CCDC91: variants seen among roughly 807,000 people sequenced by gnomAD.
The protein encoded by CCDC91 is coiled-coil domain-containing protein 91.
Under a neutral mutation model 63.2 loss-of-function variants are expected in CCDC91, and 48 were observed. That is an observed-to-expected ratio of 0.76 (90% CI 0.60 to 0.97). The LOEUF (loss-of-function observed/expected upper bound fraction) is 0.97. Ranked by LOEUF, CCDC91 falls within the 50% of genes least tolerant of loss-of-function variation. The probability of loss-of-function intolerance (pLI) is 0.00; values close to 1 mark genes in which losing one functional copy is unlikely to be tolerated. For missense variants in CCDC91, 500 were observed against 494.6 expected (o/e 1.01, Z -0.10); for synonymous variants, 167 against 165.8 (o/e 1.01, Z -0.06).
At chr12:28,477,333 C>T (rs138661054) in intron 11 of CCDC91, among the ~76,000 whole-genome samples, 16 of 152,152 alleles carry the variant, frequency 1.1e-4, no homozygotes, top group African/African-American at 2.4e-4. Context: ...AATCAATAAA[C>T]GTAATCCAGC....
intron 12 of CCDC91, among the ~76,000 whole-genome samples, chr12:28,506,365 A>G (rs1235867136): frequency 1.3e-5 from 2 of 151,952 alleles, no homozygotes; most frequent in Non-Finnish European, 2.9e-5. Flanking sequence ...CCATTCCTGC[A>G]TCTTTGTTTC....
At position 28,395,116 on chromosome 12, in the gene CCDC91, G is replaced by A. The variant is rs143806576; in HGVS notation, c.762+3705G>A. Among the ~76,000 whole-genome samples the A allele has an allele frequency of 3.5e-3, 531 of 152,244 alleles. 7 individuals are homozygous for A. Among genetic ancestry groups the A allele is most frequent in the African/African-American group, 0.012 (503 of 41,536 alleles). The stretch of plus-strand genomic sequence containing the variant: ...AAAGTTTGTTACTGGTATTTCATAT[G>A]TTGTCTTGTCAAAGAACCTTTACTT... On this transcript the variant is annotated intron_variant, in intron 8 of 12. Transcript: ENST00000536442.
At chr12:28,538,721 C>T (rs1942390399) in intron 12 of CCDC91, among the ~76,000 whole-genome samples, 1 of 152,120 alleles carries the variant, frequency 6.6e-6, no homozygotes. Context: ...ACAGTCCCAC[C>T]AACAGTGTAA....
At chr12:28,396,523 C>T (rs1313176541) in intron 8 of CCDC91, among the ~76,000 whole-genome samples, 1 of 151,874 alleles carries the variant, frequency 6.6e-6, no homozygotes, top group Non-Finnish European at 1.5e-5. Flanking sequence ...GTAGCCCAAA[C>T]TAAAGTGTGT....
At chr12:28,389,305 T>TA (rs34345141) in intron 7 of CCDC91, among the ~76,000 whole-genome samples, 12 of 151,794 alleles carry the variant, frequency 7.9e-5, no homozygotes, top group East Asian at 5.8e-4. Flanking sequence ...GGAAGACTTT[T>TA]AAAAAAAAAT....
At chr12:28,396,642 TTTTGTGTGTGTGTGTGTG>T (rs780163928) in intron 8 of CCDC91, among the ~76,000 whole-genome samples, 29 of 148,610 alleles carry the variant, frequency 2.0e-4, no homozygotes, top group Non-Finnish European at 3.3e-4. Context: ...ATAAAGGAGA[TTTTGTGTGTGTGTGTGTG>T]TGTGTGTGTG....
At chr12:28,447,798 G>A (rs1592702533) in intron 8 of CCDC91, among the ~76,000 whole-genome samples, 1 of 26,916 alleles carries the variant, frequency 3.7e-5, no homozygotes, top group African/African-American at 1.3e-4. Flanking sequence ...GAGGGGAGGG[G>A]AGGGGAGGGG....
chr12:28,196,785 CATT>C, intron 1 of CCDC91, among the ~76,000 whole-genome samples: 1 of 152,228 alleles, frequency 6.6e-6, no homozygotes, highest in African/African-American at 2.4e-5. Flanking sequence ...CTGCTGCAAA[CATT>C]GTGGTGGCTT....
chr12:28,202,365 A>T (rs1942523294), intron 1 of CCDC91, among the ~76,000 whole-genome samples: 2 of 152,178 alleles, frequency 1.3e-5, no homozygotes, highest in African/African-American at 4.8e-5. Flanking sequence ...TAGATAATTA[A>T]ATAATATCTA....
intron 11 of CCDC91, among the ~76,000 whole-genome samples, chr12:28,464,404 G>A (rs1405885533): frequency 1.3e-5 from 2 of 152,174 alleles, no homozygotes; most frequent in Admixed American, 6.5e-5. Context: ...GCCCCAGGTT[G>A]TACAGCTCCC....
chr12:28,486,105 G>A (rs1258172156), intron 12 of CCDC91, among the ~76,000 whole-genome samples: 3 of 152,118 alleles, frequency 2.0e-5, no homozygotes, highest in Non-Finnish European at 2.9e-5. Flanking sequence ...TTGCTTGACC[G>A]AAACTTTATG....
chr12:28,437,807 A>G (rs1948988251), intron 8 of CCDC91, among the ~76,000 whole-genome samples: 1 of 152,086 alleles, frequency 6.6e-6, no homozygotes, highest in Non-Finnish European at 1.5e-5. Flanking sequence ...TAGAAACGGA[A>G]TACAAATGAT....
chr12:28,528,233 A>G (rs1941440943), intron 12 of CCDC91, among the ~76,000 whole-genome samples: 1 of 152,108 alleles, frequency 6.6e-6, no homozygotes, highest in African/African-American at 2.4e-5. Context: ...GAGGCAAGGC[A>G]GAAAATGCCT....
intron 7 of CCDC91, among the ~76,000 whole-genome samples, chr12:28,365,015 T>C (rs1336522662): frequency 3.3e-5 from 5 of 152,198 alleles, no homozygotes; most frequent in Non-Finnish European, 7.4e-5. Context: ...TTAATCAATA[T>C]GCAATGAATT....
At chr12:28,301,888 A>G (rs916432544) in intron 3 of CCDC91, among the ~76,000 whole-genome samples, 9 of 151,606 alleles carry the variant, frequency 5.9e-5, no homozygotes, top group South Asian at 2.1e-4. Flanking sequence ...TTTGATAGCT[A>G]TATTCTCCTT....
chr12:28,331,919 A>G (rs1234699419), intron 6 of CCDC91, among the ~76,000 whole-genome samples: 1 of 152,176 alleles, frequency 6.6e-6, no homozygotes, highest in African/African-American at 2.4e-5. Flanking sequence ...GTGTAAAACA[A>G]TGTGAGATGT....
At chr12:28,338,761 A>G (rs1273968440) in intron 6 of CCDC91, among the ~76,000 whole-genome samples, 1 of 152,118 alleles carries the variant, frequency 6.6e-6, no homozygotes, top group African/African-American at 2.4e-5. Flanking sequence ...GGAAGAGAAA[A>G]TGGATGCTTT....
In CCDC91 at chr12:28,498,483, A is replaced by AGAAGCAGGG. The variant is rs560378050; in HGVS notation, c.1215+14319_1215+14327dup. The stretch of plus-strand genomic sequence containing the variant: ...AGTTATATGGTCAAGTCCAAGGTCA[A>AGAAGCAGGG]GAAGCAGGGACGTACATTCCATATA... On this transcript the variant is annotated intron_variant, in intron 12 of 12. Transcript: ENST00000536442. Among the ~76,000 whole-genome samples, 15 of 151,792 alleles carry AGAAGCAGGG rather than the reference A, an allele frequency of 9.9e-5. No individual in the cohort carries two copies. In the East Asian group the frequency reaches 2.7e-3, roughly 28 times the overall value.
At chr12:28,357,517 G>A (rs1011074775) in intron 6 of CCDC91, among the ~76,000 whole-genome samples, 4 of 152,060 alleles carry the variant, frequency 2.6e-5, no homozygotes, top group Non-Finnish European at 4.4e-5. Flanking sequence ...TATGATATGT[G>A]ATTCTGTGTT....
Sources: allele counts gnomAD v4.1 joint callset (sites outside exome capture counted in the v4.1 genomes callset), GRCh38; gene constraint gnomAD v4.1.1; transcripts MANE v1.5; gene names NCBI Gene and HGNC (gene_info 2026-07-23, HGNC 2026-07-21).